TRDMT1: variants seen among roughly 807,000 people sequenced by gnomAD.
TRDMT1 encodes tRNA aspartic acid methyltransferase 1, also known as tRNA (cytosine(38)-C(5))-methyltransferase.
A neutral mutation model predicts 51.2 loss-of-function variants in TRDMT1; 49 were observed. The observed-to-expected ratio is 0.96, with a 90% confidence interval of 0.76 to 1.21. The LOEUF is 1.21. Ranked by LOEUF, TRDMT1 falls within the 50% of genes most tolerant of loss-of-function variation. TRDMT1 has a pLI of 0.00. For synonymous variants in TRDMT1, 187 were observed against 164.6 expected, an observed-to-expected ratio of 1.14 and a Z score of -1.04; for missense variants, 534 against 462.3, an observed-to-expected ratio of 1.16 and a Z score of -1.42.
intron 1 of TRDMT1, among the ~76,000 whole-genome samples, chr10:17,192,531 C>A (rs1355288656): frequency 6.6e-6 from 1 of 152,214 alleles, no homozygotes; most frequent in African/African-American, 2.4e-5. Flanking sequence ...GCCCATCAGA[C>A]ATTTCCGGAA....
chr10:17,200,933 G>A (rs1588710759), intron 1 of TRDMT1, among the ~76,000 whole-genome samples: 1 of 152,104 alleles, frequency 6.6e-6, no homozygotes, highest in East Asian at 1.9e-4. Context: ...CAGGAAACAG[G>A]TTCATCACTG....
intron 3 of TRDMT1, among the ~76,000 whole-genome samples, chr10:17,163,918 C>T (rs1475487909): frequency 3.3e-5 from 5 of 152,196 alleles, no homozygotes; most frequent in Admixed American, 3.3e-4. Flanking sequence ...GACAGATTCA[C>T]AGCCAAATTC....
At chr10:17,174,292 T>A (rs575545781) in intron 2 of TRDMT1, among the ~76,000 whole-genome samples, 1 of 152,288 alleles carries the variant, frequency 6.6e-6, no homozygotes, top group South Asian at 2.1e-4. Context: ...GAACCAAGCA[T>A]TTAGAAGTCA....
intron 1 of TRDMT1, among the ~76,000 whole-genome samples, chr10:17,191,466 C>T (rs965060766): frequency 4.6e-5 from 7 of 152,218 alleles, no homozygotes; most frequent in East Asian, 1.9e-4. Flanking sequence ...AGGAAAACTC[C>T]GAAGCGGCAA....
intron 1 of TRDMT1, among the ~76,000 whole-genome samples, chr10:17,189,970 T>C (rs1844471378): frequency 6.6e-6 from 1 of 152,156 alleles, no homozygotes; most frequent in Non-Finnish European, 1.5e-5. Flanking sequence ...AACTATTTAA[T>C]ATTAATGTTC....
At chr10:17,162,307 G>T in intron 3 of TRDMT1, 70 bp from the exon 4 acceptor site, 1 of 1,394,294 alleles carries the variant, frequency 7.2e-7, no homozygotes, top group Non-Finnish European at 9.9e-7. Context: ...ATAAAAAGAT[G>T]TCAAATCACT....
At chr10:17,161,930 A>C (rs989850942) in intron 4 of TRDMT1, among the ~76,000 whole-genome samples, 8 of 152,250 alleles carry the variant, frequency 5.3e-5, no homozygotes, top group Non-Finnish European at 1.0e-4. Flanking sequence ...GAGCAGAGGC[A>C]GCAGAATCTA....
intron 1 of TRDMT1, among the ~76,000 whole-genome samples, chr10:17,191,476 A>C (rs1193615678): frequency 1.3e-5 from 2 of 152,208 alleles, no homozygotes; most frequent in Non-Finnish European, 2.9e-5. Flanking sequence ...CGAAGCGGCA[A>C]GAGTTAGGGC....
rs146578069 is a variant in TRDMT1, at chr10:17,162,820, T to C, written c.252-583A>G. On this transcript the variant is annotated intron_variant, in intron 3 of 10. Coordinates refer to ENST00000377799, the MANE Select transcript of TRDMT1 (RefSeq NM_004412.7). ...TCCTTACATATCTAATAAGTACACT[T>C]AAAATTTATCTTTATAAAACAATAT... is the stretch of plus-strand genomic sequence containing the variant. 7.6e-3 allele frequency among the ~76,000 whole-genome samples: 1,161 copies of C among 152,228 alleles called. 5 individuals carry two copies. The highest frequency in any genetic ancestry group is 0.012 in the Non-Finnish European group (800 of 68,014).
chr10:17,201,628 G>C lies in TRDMT1; in HGVS notation c.7C>G (p.Pro3Ala), dbSNP rs998434920. 5 of 1,543,812 alleles carry C rather than the reference G, an allele frequency of 3.2e-6. No individual in the cohort carries two copies. In the South Asian group the frequency reaches 4.8e-5, roughly 15 times the overall value. ME[P>A]LRVLELYSGV... ...CTGTATAGCTCCAGCACCCGCAGGG[G>C]CTCCATCCCCGCGCCTCAGCCGCCG... The change falls in exon 1 of 11, where the codon CCC (proline) becomes GCC (alanine). Residue 3 changes from proline to alanine, a missense_variant. Pro to Ala is a conservative substitution (Grantham distance 27). Coordinates refer to ENST00000377799, the MANE Select transcript of TRDMT1 (RefSeq NM_004412.7).
In TRDMT1 at chr10:17,144,526, A is replaced by T; in HGVS notation, c.*4514T>A. ...TGGTGTACTTGAGGGAGACTTCAGT[A>T]AGTGCTGGATGTGGCTGAAAGTAAG... On this transcript the variant is annotated 3_prime_UTR_variant, in exon 11 of 11. Transcript: ENST00000377799. The T allele has an allele frequency of 1.0e-6, 1 of 985,872 alleles. No individual in the cohort carries two copies. The highest frequency in any genetic ancestry group is 1.2e-6 in the Non-Finnish European group (1 of 829,926). 61.1% of individuals were successfully genotyped at this position (985,872 alleles called of 1,614,324 possible).
intron 4 of TRDMT1, 25 bp downstream of exon 4, chr10:17,162,141 C>A (rs1487772384): frequency 6.3e-7 from 1 of 1,583,212 alleles, no homozygotes; most frequent in Admixed American, 1.8e-5. Flanking sequence ...GAAAGGTAAG[C>A]TTGTACAGGA....
In TRDMT1 at chr10:17,157,652, C is replaced by T; in HGVS notation, c.676G>A (p.Asp226Asn). The part of the protein sequence containing the change: ...FDGSIQCSGK[D>N]AILFKLETAE... ...GTTTCAAGCTTAAAAAGAATGGCATCTTTTCCAGAACACTGTATGCTGCCA... is the reference window on the plus strand; with the variant it reads ...GTTTCAAGCTTAAAAAGAATGGCATTTTTTCCAGAACACTGTATGCTGCCA... The change falls in exon 8 of 11, where the codon GAT becomes AAT. Residue 226 changes from aspartate (D) to asparagine (N), a missense_variant. By Grantham distance (23) the Asp-to-Asn change is conservative. Transcript: ENST00000377799. 6.2e-7 allele frequency: 1 copy of T among 1,613,608 alleles called. No individual in the cohort carries two copies. Among genetic ancestry groups the T allele is most frequent in the Non-Finnish European group, 8.5e-7 (1 of 1,179,764 alleles).
chr10:17,179,057 C>A (rs1033011315), intron 1 of TRDMT1, among the ~76,000 whole-genome samples: 2 of 151,886 alleles, frequency 1.3e-5, no homozygotes, highest in African/African-American at 4.8e-5. Context: ...AAAAAAGGAG[C>A]ACAGTGAAGG....
chr10:17,160,101 A>G (rs1840104279), intron 6 of TRDMT1, among the ~76,000 whole-genome samples: 1 of 152,096 alleles, frequency 6.6e-6, no homozygotes, highest in Non-Finnish European at 1.5e-5. Context: ...AAGCTATATA[A>G]TTGTTTTTCA....
rs571212663 is a variant in TRDMT1 at position 17,168,906 on chromosome 10, G to C, written c.186C>G (p.Leu62=). ...LLAKTIEGIT[L]EEFDRLSFDM... Reference sequence around the variant, plus strand: ...CAAAAGATAATCTGTCAAACTCTTCGAGTGTAATGCCCTGAGGAATGAACA... The same window carrying C: ...CAAAAGATAATCTGTCAAACTCTTCCAGTGTAATGCCCTGAGGAATGAACA... Residue 62 remains leucine (L), a synonymous_variant, in exon 3 of 11, where the codon CTC becomes CTG. Coordinates refer to ENST00000377799, the MANE Select transcript of TRDMT1 (RefSeq NM_004412.7). 1.9e-6 allele frequency: 3 copies of C among 1,610,566 alleles called. No individual in the cohort carries two copies. The highest frequency in any genetic ancestry group is 2.5e-6 in the Non-Finnish European group (3 of 1,177,816).
At chr10:17,198,269 T>C (rs1429037266) in intron 1 of TRDMT1, among the ~76,000 whole-genome samples, 1 of 152,158 alleles carries the variant, frequency 6.6e-6, no homozygotes, top group African/African-American at 2.4e-5. Context: ...TACACAGTAT[T>C]ATCATATGAT....
At chr10:17,158,620 G>A (rs775454267) in intron 7 of TRDMT1, among the ~76,000 whole-genome samples, 1 of 152,096 alleles carries the variant, frequency 6.6e-6, no homozygotes, top group Non-Finnish European at 1.5e-5. Flanking sequence ...ATGTAAAACT[G>A]CTCACATAAT....
chr10:17,166,984 C>G (rs1318068861), intron 3 of TRDMT1, among the ~76,000 whole-genome samples: 1 of 152,234 alleles, frequency 6.6e-6, no homozygotes, highest in African/African-American at 2.4e-5. Flanking sequence ...GACATCACCT[C>G]TGAAAGAATT....
Sources: gnomAD v4.1 joint callset for allele counts (sites outside exome capture counted in the v4.1 genomes callset) on GRCh38, gnomAD v4.1.1 for gene constraint, MANE v1.5 for transcripts, NCBI Gene and HGNC (gene_info 2026-07-23, HGNC 2026-07-21) for gene names.